Variants in IQCK observed in about 807,000 individuals in gnomAD.
The protein encoded by IQCK is IQ motif containing K.
In IQCK, 29 loss-of-function variants were observed where a neutral mutation model predicts 28.1. That is an observed-to-expected ratio of 1.03 (90% confidence interval 0.77 to 1.41). The LOEUF is 1.41. Among genes scored for constraint, IQCK ranks in the 40% most tolerant of loss-of-function variants. IQCK has a pLI of 0.00. For missense variants in IQCK, 359 were observed against 314.7 expected, an observed-to-expected ratio of 1.14 and a Z score of -1.07; for synonymous variants, 113 against 115.1, an observed-to-expected ratio of 0.98 and a Z score of 0.12.
chr16:19,785,957 A>G (rs1185989231), intron 6 of IQCK, among the ~76,000 whole-genome samples: 1 of 152,168 alleles, frequency 6.6e-6, no homozygotes, highest in Non-Finnish European at 1.5e-5. Context: ...GAACCTGGAC[A>G]ACTTGCAGTC....
intron 4 of IQCK, among the ~76,000 whole-genome samples, chr16:19,748,564 T>C (rs1783133696): frequency 6.6e-6 from 1 of 152,084 alleles, no homozygotes; most frequent in Admixed American, 6.6e-5. Flanking sequence ...TCAATACACA[T>C]TAAATGTTGT....
intron 4 of IQCK, among the ~76,000 whole-genome samples, chr16:19,745,227 GAC>G (rs1301463753): frequency 6.6e-6 from 1 of 152,090 alleles, no homozygotes; most frequent in African/African-American, 2.4e-5. Flanking sequence ...CCTTTTCACT[GAC>G]ACACTCAGTG....
At chr16:19,740,007 A>G (rs1200962561) in intron 4 of IQCK, among the ~76,000 whole-genome samples, 1 of 152,212 alleles carries the variant, frequency 6.6e-6, no homozygotes. Context: ...CTAGTAAGCA[A>G]CAGACAGCAC....
chr16:19,724,276 C>T (rs575601672), intron 1 of IQCK, among the ~76,000 whole-genome samples: 1 of 152,142 alleles, frequency 6.6e-6, no homozygotes, highest in Admixed American at 6.5e-5. Flanking sequence ...CTTTCCTCTC[C>T]TCTAGGCTGT....
At chr16:19,850,535 C>A (rs547795855) in intron 9 of IQCK, among the ~76,000 whole-genome samples, 31 of 152,252 alleles carry the variant, frequency 2.0e-4, no homozygotes, top group African/African-American at 6.7e-4. Flanking sequence ...GTGAGCCAGT[C>A]TCCTCCTTGT....
chr16:19,750,553 C>A (rs968811871), intron 4 of IQCK, among the ~76,000 whole-genome samples: 3 of 151,666 alleles, frequency 2.0e-5, no homozygotes, highest in Non-Finnish European at 4.4e-5. Context: ...CCTCCAACTC[C>A]CGGATTCAAG....
downstream of IQCK, among the ~76,000 whole-genome samples, chr16:19,827,971 G>A (rs149086820): frequency 1.1e-3 from 167 of 151,916 alleles, no homozygotes; most frequent in African/African-American, 3.5e-3. Context: ...GGAGTGCAGC[G>A]GTGTGACCTT....
At chr16:19,812,687 A>G (rs543716474) in intron 7 of IQCK, among the ~76,000 whole-genome samples, 1 of 152,304 alleles carries the variant, frequency 6.6e-6, no homozygotes, top group East Asian at 1.9e-4. Flanking sequence ...AACCAACAAG[A>G]AAGGAGGGGA....
downstream of IQCK, among the ~76,000 whole-genome samples, chr16:19,831,489 T>TG (rs1284319481): frequency 2.6e-5 from 4 of 152,118 alleles, no homozygotes; most frequent in Admixed American, 6.6e-5. Context: ...CTGGGTAGTG[T>TG]GGGGGGTTAC....
intron 9 of IQCK, among the ~76,000 whole-genome samples, chr16:19,846,939 A>G (rs1485796069): frequency 6.6e-6 from 1 of 152,142 alleles, no homozygotes; most frequent in Admixed American, 6.6e-5. Flanking sequence ...TTAGGGACCA[A>G]TTCTTACTCC....
At chr16:19,848,622 C>G (rs578220184) in intron 9 of IQCK, among the ~76,000 whole-genome samples, 84 of 152,272 alleles carry the variant, frequency 5.5e-4, no homozygotes, top group African/African-American at 1.9e-3. Flanking sequence ...CATACTGGTG[C>G]CACCAGTACC....
chr16:19,786,360 A>G (rs2055561563), intron 6 of IQCK, among the ~76,000 whole-genome samples: 1 of 151,166 alleles, frequency 6.6e-6, no homozygotes, highest in African/African-American at 2.5e-5. Context: ...TGGAGACCAC[A>G]TAGCGAGACC....
At chr16:19,755,857 A>G (rs1383261907) in intron 4 of IQCK, among the ~76,000 whole-genome samples, 2 of 152,214 alleles carry the variant, frequency 1.3e-5, no homozygotes, top group Non-Finnish European at 2.9e-5. Context: ...ATGGATGGGC[A>G]TGACATATAT....
intron 7 of IQCK, among the ~76,000 whole-genome samples, chr16:19,817,745 A>G (rs1301265683): frequency 6.6e-6 from 1 of 152,214 alleles, no homozygotes; most frequent in East Asian, 1.9e-4. Context: ...AAAATTTTAA[A>G]CAGTTCTTGT....
At chr16:19,748,037 G>A (rs1197321655) in intron 4 of IQCK, among the ~76,000 whole-genome samples, 1 of 150,690 alleles carries the variant, frequency 6.6e-6, no homozygotes, top group Non-Finnish European at 1.5e-5. Context: ...GTGTGAAGGG[G>A]CTTGTTCTGG....
intron 7 of IQCK, among the ~76,000 whole-genome samples, chr16:19,808,892 T>G (rs1356996796): frequency 6.6e-6 from 1 of 152,224 alleles, no homozygotes; most frequent in African/African-American, 2.4e-5. Context: ...GTTTTCACTC[T>G]TGTTGTCCAG....
At chr16:19,844,837 C>T (rs1179367743) in intron 9 of IQCK, among the ~76,000 whole-genome samples, 1 of 152,092 alleles carries the variant, frequency 6.6e-6, no homozygotes, top group Non-Finnish European at 1.5e-5. Context: ...GAGACAGGGT[C>T]TTGCTGTGTC....
Position 19,786,357 on chromosome 16 carries a change from C to G in IQCK, c.606-2481C>G, listed in dbSNP as rs530486208. Among the ~76,000 whole-genome samples the G allele has an allele frequency of 7.3e-5, 11 of 151,052 alleles. No individual in the cohort carries two copies. The South Asian group carries it at 2.1e-3, about 29-fold the overall frequency. The stretch of plus-strand genomic sequence containing the variant: ...TTGCTTGAGGCCAAGAGTTGGAGAC[C>G]ACATAGCGAGACCCTGTCTCTACAG... On this transcript the variant is annotated intron_variant, in intron 6 of 7. Transcript: ENST00000564186.
Position 19,758,755 on chromosome 16 carries a change from TC to T in IQCK, c.475-5091del, listed in dbSNP as rs1368609351. Among the ~76,000 whole-genome samples the T allele has an allele frequency of 2.6e-5, 4 of 152,234 alleles. No individual in the cohort carries two copies. The South Asian group carries it at 6.2e-4, about 24-fold the overall frequency. On this transcript the variant is annotated intron_variant, in intron 4 of 7. Coordinates refer to ENST00000564186, the Ensembl canonical transcript of IQCK. ...TTTTATTACGCCAACCAGCAGTATT[TC>T]CATTTTTTCATAAAGGGGTTTCAGC...
Sources: gnomAD v4.1 joint callset for allele counts (sites outside exome capture counted in the v4.1 genomes callset) on GRCh38, gnomAD v4.1.1 for gene constraint, MANE v1.5 for transcripts, NCBI Gene and HGNC (gene_info 2026-07-23, HGNC 2026-07-21) for gene names.